The following CCDC6 variants were observed in gnomAD, a reference collection of about 807,000 sequenced individuals.
The protein encoded by CCDC6 is coiled-coil domain-containing protein 6.
Under a neutral mutation model 56.6 loss-of-function variants are expected in CCDC6, and 20 were observed. The ratio of observed to expected loss-of-function variants is 0.35; its 90% CI spans 0.25 to 0.51. The LOEUF (loss-of-function observed/expected upper bound fraction) is 0.51. Among genes scored for constraint, CCDC6 ranks in the 20% least tolerant of loss-of-function variants. The pLI is 0.95. For missense variants in CCDC6, 367 were observed against 601.1 expected (o/e 0.61, Z 4.07); for synonymous variants, 241 against 234.4 (o/e 1.03, Z -0.26).
intron 2 of CCDC6, among the ~76,000 whole-genome samples, chr10:59,841,175 T>C (rs907392190): frequency 8.5e-5 from 13 of 152,190 alleles, no homozygotes; most frequent in Admixed American, 2.6e-4. Flanking sequence ...CACCAGTCTG[T>C]CTGCTGCTTC....
At chr10:59,906,010 C>T in intron 1 of CCDC6, 112 bp downstream of exon 1, 1 of 963,272 alleles carries the variant, frequency 1.0e-6, no homozygotes, top group East Asian at 2.7e-5. Context: ...AGTGTGCTCT[C>T]AGAGGGTCCC....
chr10:59,833,241 G>A (rs2070848575), intron 2 of CCDC6, among the ~76,000 whole-genome samples: 1 of 152,138 alleles, frequency 6.6e-6, no homozygotes, highest in Non-Finnish European at 1.5e-5. Context: ...CTGAAGTCAG[G>A]AGTTCAAGAC....
In CCDC6 at chr10:59,792,436, G is replaced by A; in HGVS notation, c.*481C>T. ...ACTTTCTGTTCTACACTGAAAGCCA[G>A]ATTTTCAAAGGTCTGAATTGTAGTG... On this transcript the variant is annotated 3_prime_UTR_variant, in exon 9 of 9. Coordinates refer to ENST00000263102, the MANE Select transcript of CCDC6 (RefSeq NM_005436.5). 1 of 428,766 alleles carries A rather than the reference G, an allele frequency of 2.3e-6. No homozygotes were observed. Among genetic ancestry groups the A allele is most frequent in the Non-Finnish European group, 4.4e-6 (1 of 226,352 alleles). The allele number at this position is 428,766 out of a possible 1,614,324, so 26.6% of individuals were successfully genotyped here. A position where few individuals can be genotyped will look rare whatever the true frequency, so the allele number is the denominator to read the frequency against.
At chr10:59,826,015 T>G (rs2070785150) in intron 3 of CCDC6, among the ~76,000 whole-genome samples, 1 of 152,196 alleles carries the variant, frequency 6.6e-6, no homozygotes, top group African/African-American at 2.4e-5. Context: ...GTACTGCCCC[T>G]GGAAGCTGGG....
chr10:59,814,566 C>A, intron 4 of CCDC6, 86 bp downstream of exon 4: 1 of 796,192 alleles, frequency 1.3e-6, no homozygotes, highest in Non-Finnish European at 2.2e-6. Flanking sequence ...TTAAGGTGTC[C>A]TACTGCTATT....
chr10:59,867,489 T>C (rs1484190043), intron 1 of CCDC6, among the ~76,000 whole-genome samples: 3 of 152,202 alleles, frequency 2.0e-5, no homozygotes, highest in African/African-American at 7.2e-5. Flanking sequence ...AAAACCGCAG[T>C]CTCCACAACT....
intron 1 of CCDC6, among the ~76,000 whole-genome samples, chr10:59,886,677 C>T (rs992181713): frequency 6.6e-6 from 1 of 152,134 alleles, no homozygotes; most frequent in Non-Finnish European, 1.5e-5. Context: ...GGCCAAAAAA[C>T]ACCAAAAGCC....
chr10:59,794,182 G>A (rs956634454), intron 8 of CCDC6, among the ~76,000 whole-genome samples: 1 of 152,200 alleles, frequency 6.6e-6, no homozygotes, highest in African/African-American at 2.4e-5. Flanking sequence ...CAACAATAAT[G>A]CAAGGAGCTG....
chr10:59,862,766 A>C (rs995771694), intron 1 of CCDC6, among the ~76,000 whole-genome samples: 1 of 152,116 alleles, frequency 6.6e-6, no homozygotes, highest in Admixed American at 6.5e-5. Flanking sequence ...AGTGTTGACA[A>C]GTATCAAGAT....
rs1187453733 is a variant in CCDC6, at chr10:59,841,474, G to C, written c.454-8821C>G. On this transcript the variant is annotated intron_variant, in intron 2 of 8. Coordinates refer to ENST00000263102, the MANE Select transcript of CCDC6 (RefSeq NM_005436.5). ...CACAGAAATACAATTTTTCATATGA[G>C]AAAACAGAATTCTAATCACTTACCT... Among the ~76,000 whole-genome samples the C allele has an allele frequency of 5.9e-5, 9 of 152,084 alleles. No homozygotes were observed. In the East Asian group the frequency reaches 1.7e-3, roughly 29 times the overall value.
At chr10:59,868,947 T>G (rs1162137070) in intron 1 of CCDC6, among the ~76,000 whole-genome samples, 1 of 152,166 alleles carries the variant, frequency 6.6e-6, no homozygotes, top group East Asian at 1.9e-4. Flanking sequence ...AATTTTGCTT[T>G]GCGGCCTTTT....
At chr10:59,823,233 C>T (rs1206770077) in intron 3 of CCDC6, among the ~76,000 whole-genome samples, 1 of 152,184 alleles carries the variant, frequency 6.6e-6, no homozygotes, top group Non-Finnish European at 1.5e-5. Flanking sequence ...TGGTGGAGGG[C>T]AGCCGACTCA....
chr10:59,836,052 T>TTA (rs777308614), intron 2 of CCDC6, among the ~76,000 whole-genome samples: 20 of 57,596 alleles, frequency 3.5e-4, no homozygotes, highest in Admixed American at 6.5e-4. Flanking sequence ...CGACCCTGTC[T>TTA]AAAAAAAAAA....
At chr10:59,836,654 C>T (rs1186646448) in intron 2 of CCDC6, among the ~76,000 whole-genome samples, 3 of 152,044 alleles carry the variant, frequency 2.0e-5, no homozygotes, top group East Asian at 1.9e-4. Context: ...TGGCTTTTTT[C>T]AAAAATCAAT....
rs10994040 is a variant in CCDC6 at position 59,836,125 on chromosome 10, C to T, written c.454-3472G>A. ...ACCTCAGTCCCCTAAAATCATGAGA[C>T]AAGGGTTAAGATGAGCAAGAGGTAG... On this transcript the variant is annotated intron_variant, in intron 2 of 8. Coordinates refer to ENST00000263102, the MANE Select transcript of CCDC6 (RefSeq NM_005436.5). Among the ~76,000 whole-genome samples, 779 of 147,654 alleles carry T rather than the reference C, an allele frequency of 5.3e-3. 12 individuals are homozygous for T. Among genetic ancestry groups the T allele is most frequent in the East Asian group, 0.034 (168 of 4,954 alleles).
chr10:59,903,123 T>C (rs1449999696), intron 1 of CCDC6, among the ~76,000 whole-genome samples: 1 of 151,138 alleles, frequency 6.6e-6, no homozygotes, highest in Non-Finnish European at 1.5e-5. Context: ...AAGGAGAGAG[T>C]AAAAAAAATC....
intron 1 of CCDC6, among the ~76,000 whole-genome samples, chr10:59,889,440 T>C (rs2071406013): frequency 6.6e-6 from 1 of 152,162 alleles, no homozygotes; most frequent in Non-Finnish European, 1.5e-5. Flanking sequence ...TGCCCTTTAT[T>C]CATGTTTTCC....
intron 1 of CCDC6, among the ~76,000 whole-genome samples, chr10:59,902,555 A>G (rs1009493304): frequency 5.3e-5 from 8 of 151,960 alleles, no homozygotes; most frequent in African/African-American, 1.7e-4. Context: ...CACCATCCCC[A>G]GCTAATTTTT....
chr10:59,832,051 T>G (rs2070839546), intron 3 of CCDC6, among the ~76,000 whole-genome samples: 1 of 152,220 alleles, frequency 6.6e-6, no homozygotes, highest in South Asian at 2.1e-4. Context: ...ACCAAGTCTA[T>G]GACTCCATAT....
Sources: allele counts gnomAD v4.1 joint callset (sites outside exome capture counted in the v4.1 genomes callset), GRCh38; gene constraint gnomAD v4.1.1; transcripts MANE v1.5; gene names NCBI Gene and HGNC (gene_info 2026-07-23, HGNC 2026-07-21).